Variants in OR1J2 observed in about 807,000 individuals in gnomAD.
OR1J2 encodes the protein olfactory receptor 1J2.
For synonymous variants in OR1J2, 142 were observed against 99.7 expected (o/e 1.42, Z -2.52); for missense variants, 304 against 246.1 (o/e 1.24, Z -1.57).
chr9:122,454,495 G>A, the OR1J2 span, among the ~76,000 whole-genome samples: 11 of 151,942 alleles, frequency 7.2e-5, no homozygotes, highest in Non-Finnish European at 1.3e-4. Context: ...TCCAGCCTGG[G>A]TGACAGAGTG....
chr9:122,497,535 T>C, the OR1J2 span, among the ~76,000 whole-genome samples: 1 of 152,222 alleles, frequency 6.6e-6, no homozygotes, highest in African/African-American at 2.4e-5. Flanking sequence ...TCATTTTTTA[T>C]TGTGCTTATT....
the OR1J2 span, chr9:122,553,893 G>A: frequency 1.2e-6 from 2 of 1,614,030 alleles, no homozygotes; most frequent in African/African-American, 1.3e-5. Context: ...TTTCTGGGCT[G>A]TGTTTGTCAT....
the OR1J2 span, among the ~76,000 whole-genome samples, chr9:122,530,774 G>A: frequency 6.6e-6 from 1 of 152,254 alleles, no homozygotes; most frequent in Non-Finnish European, 1.5e-5. Context: ...AAGGGGTGTT[G>A]TTCTCTGGCG....
the OR1J2 span, among the ~76,000 whole-genome samples, chr9:122,499,303 G>A: frequency 6.6e-6 from 1 of 152,230 alleles, no homozygotes; most frequent in Non-Finnish European, 1.5e-5. Context: ...TGGGGACAGG[G>A]GGCTGCCTAA....
chr9:122,552,335 C>T, the OR1J2 span, among the ~76,000 whole-genome samples: 13 of 152,084 alleles, frequency 8.5e-5, no homozygotes, highest in African/African-American at 2.7e-4. Context: ...AAAGTCAGGG[C>T]GATACCTTTC....
chr9:122,519,952 A>G, the OR1J2 span: 1 of 1,614,122 alleles, frequency 6.2e-7, no homozygotes, highest in Non-Finnish European at 8.5e-7. Flanking sequence ...AGTGACAAGG[A>G]CGTAATTGCC....
chr9:122,487,639 T>G, the OR1J2 span, among the ~76,000 whole-genome samples: 2 of 152,186 alleles, frequency 1.3e-5, no homozygotes, highest in Non-Finnish European at 2.9e-5. Flanking sequence ...AGCTCAACCC[T>G]GAAGTGGAGA....
In OR1J2 at chr9:122,511,362, G is replaced by A. The variant is rs149007698; in HGVS notation, c.561G>A (p.Leu187=). The change falls in exon 1 of 1, where the codon CTG becomes CTA. Residue 187 remains leucine, a synonymous_variant. Coordinates refer to ENST00000335302, the MANE Select transcript of OR1J2 (RefSeq NM_054107.1). ...VFCDLAALLK[L]SCSDIFLNEL... ...GTGACCTTGCTGCCCTGCTCAAGCTGTCCTGCTCAGATATCTTCCTCAATG... is the reference window on the plus strand; with the variant it reads ...GTGACCTTGCTGCCCTGCTCAAGCTATCCTGCTCAGATATCTTCCTCAATG... The A allele has an allele frequency of 2.7e-6, 2 of 740,332 alleles. No homozygotes were observed. The highest frequency in any genetic ancestry group is 5.0e-6 in the Non-Finnish European group (2 of 398,370). The allele number at this position is 740,332 out of a possible 1,614,324, so 45.9% of individuals were successfully genotyped here. A position where few individuals can be genotyped will look rare whatever the true frequency, so the allele number is the denominator to read the frequency against.
chr9:122,498,744 T>C, the OR1J2 span, among the ~76,000 whole-genome samples: 1 of 152,220 alleles, frequency 6.6e-6, no homozygotes, highest in African/African-American at 2.4e-5. Flanking sequence ...CCTTTTCATC[T>C]GGAGATGCTG....
At chr9:122,577,535 G>GCTTAC in the OR1J2 span, among the ~76,000 whole-genome samples, 1 of 152,186 alleles carries the variant, frequency 6.6e-6, no homozygotes, top group Non-Finnish European at 1.5e-5. Flanking sequence ...CAGTAAGCAT[G>GCTTAC]TGAACAAGTA....
At chr9:122,522,583 ATG>A in the OR1J2 span, among the ~76,000 whole-genome samples, 69 of 150,388 alleles carry the variant, frequency 4.6e-4, no homozygotes, top group Non-Finnish European at 6.1e-4. Flanking sequence ...AACTGTGTGC[ATG>A]TGTGTGTGTG....
chr9:122,469,256 G>A, the OR1J2 span, among the ~76,000 whole-genome samples: 1 of 152,236 alleles, frequency 6.6e-6, no homozygotes, highest in Admixed American at 6.5e-5. Flanking sequence ...TAATTCCCAT[G>A]TGTTGTGGGA....
the OR1J2 span, among the ~76,000 whole-genome samples, chr9:122,493,808 C>CA: frequency 2.0e-5 from 3 of 152,054 alleles, no homozygotes; most frequent in Non-Finnish European, 4.4e-5. Flanking sequence ...TGTGCTCTTT[C>CA]AGAGTTCTTG....
the OR1J2 span, among the ~76,000 whole-genome samples, chr9:122,489,029 G>A: frequency 7.0e-6 from 1 of 142,190 alleles, no homozygotes; most frequent in Non-Finnish European, 1.5e-5. Context: ...GACAGGCCCT[G>A]GTGTGTGATG....
the OR1J2 span, among the ~76,000 whole-genome samples, chr9:122,547,236 A>G: frequency 6.6e-6 from 1 of 152,170 alleles, no homozygotes; most frequent in African/African-American, 2.4e-5. Flanking sequence ...AAAGGCATGA[A>G]CACCCCAGCG....
the OR1J2 span, among the ~76,000 whole-genome samples, chr9:122,525,662 A>G: frequency 6.6e-6 from 1 of 152,122 alleles, no homozygotes; most frequent in East Asian, 1.9e-4. Context: ...GTGGCATTGC[A>G]CGTTTCTGAC....
the OR1J2 span, among the ~76,000 whole-genome samples, chr9:122,493,270 A>G: frequency 6.6e-6 from 1 of 152,312 alleles, no homozygotes; most frequent in Non-Finnish European, 1.5e-5. Flanking sequence ...TAATGTCAGT[A>G]GGATTGGCAC....
At chr9:122,477,741 G>A in the OR1J2 span, 1 of 1,614,156 alleles carries the variant, frequency 6.2e-7, no homozygotes. Context: ...AGTGGCTAAG[G>A]AAGAAGTACA....
the OR1J2 span, among the ~76,000 whole-genome samples, chr9:122,474,371 G>A: frequency 6.6e-6 from 1 of 152,150 alleles, no homozygotes. Flanking sequence ...CTCAAATGTG[G>A]CTAAAAGGGT....
Sources: allele counts gnomAD v4.1 joint callset (sites outside exome capture counted in the v4.1 genomes callset), GRCh38; gene constraint gnomAD v4.1.1; transcripts MANE v1.5; gene names NCBI Gene and HGNC (gene_info 2026-07-23, HGNC 2026-07-21).